The following SAMSN1 variants were observed in gnomAD, a reference collection of about 807,000 sequenced individuals.
SAMSN1 encodes SAM domain-containing protein SAMSN-1.
SAMSN1 carries 31 observed loss-of-function variants against 42.0 expected under a neutral mutation model. That is an observed-to-expected ratio of 0.74 (90% CI 0.55 to 1.00). The LOEUF (loss-of-function observed/expected upper bound fraction) is 1.00. Ranked by LOEUF, SAMSN1 falls within the 50% of genes least tolerant of loss-of-function variation. The pLI is 0.00. For synonymous variants in SAMSN1, 178 were observed against 151.9 expected (o/e 1.17, Z -1.26); for missense variants, 464 against 439.4 (o/e 1.06, Z -0.50).
At chr21:14,574,018 A>C (rs1981385139) in intron 2 of SAMSN1, among the ~76,000 whole-genome samples, 1 of 152,214 alleles carries the variant, frequency 6.6e-6, no homozygotes. Context: ...GCATTTGCCA[A>C]GGCTCATTAT....
intron 3 of SAMSN1, among the ~76,000 whole-genome samples, chr21:14,615,104 G>T (rs1982802397): frequency 6.6e-6 from 1 of 152,128 alleles, no homozygotes; most frequent in Non-Finnish European, 1.5e-5. Flanking sequence ...TCACATACAT[G>T]GCGATAAGGC....
chr21:14,639,046 T>A (rs886501411), intron 2 of SAMSN1, among the ~76,000 whole-genome samples: 3 of 152,216 alleles, frequency 2.0e-5, no homozygotes, highest in African/African-American at 7.2e-5. Flanking sequence ...GACCCACATT[T>A]AAGCACATTT....
At chr21:14,504,013 T>C (rs1987289302) in intron 5 of SAMSN1, among the ~76,000 whole-genome samples, 1 of 152,072 alleles carries the variant, frequency 6.6e-6, no homozygotes, top group Non-Finnish European at 1.5e-5. Context: ...TAACAATCAT[T>C]ACAGATTGCT....
intron 2 of SAMSN1, among the ~76,000 whole-genome samples, chr21:14,563,999 T>C (rs1981027825): frequency 6.6e-6 from 1 of 152,162 alleles, no homozygotes. Flanking sequence ...CCTACTGGCA[T>C]TCATTCATTT....
chr21:14,587,862 C>A (rs1426561071), upstream of SAMSN1, among the ~76,000 whole-genome samples: 1 of 150,962 alleles, frequency 6.6e-6, no homozygotes, highest in African/African-American at 2.4e-5. Context: ...TGGTGCGCTG[C>A]ATTAGGTATA....
In SAMSN1 at chr21:14,582,429, C is replaced by T; in HGVS notation, c.-33G>A. The T allele has an allele frequency of 1.9e-6, 3 of 1,542,558 alleles. 1 individual carries two copies. Among genetic ancestry groups the T allele is most frequent in the South Asian group, 2.4e-5 (2 of 83,524 alleles). On this transcript the variant is annotated 5_prime_UTR_variant, in exon 2 of 9. Transcript: ENST00000285670. Reference sequence around the variant, plus strand: ...TTCCTCCTCGTGCTAACACTATTCACTTTCTTTTCTCGGGACTTGGTTAAT... The same window carrying T: ...TTCCTCCTCGTGCTAACACTATTCATTTTCTTTTCTCGGGACTTGGTTAAT...
intron 1 of SAMSN1, among the ~76,000 whole-genome samples, chr21:14,535,628 A>G (rs1411914850): frequency 6.6e-6 from 1 of 152,230 alleles, no homozygotes. Flanking sequence ...CAAGTAAAAA[A>G]TGTGACCATT....
intron 3 of SAMSN1, chr21:14,613,063 C>T (rs1982749995): frequency 2.1e-6 from 1 of 479,216 alleles, no homozygotes. Flanking sequence ...TTTTCCTAAC[C>T]CTAGGTGGCA....
chr21:14,527,250 T>C (rs1600897173), intron 1 of SAMSN1, among the ~76,000 whole-genome samples: 1 of 152,344 alleles, frequency 6.6e-6, no homozygotes, highest in East Asian at 1.9e-4. Flanking sequence ...TGTCAGCCTT[T>C]ATCCAAAGAC....
chr21:14,595,205 G>A (rs772052172), intron 6 of SAMSN1, among the ~76,000 whole-genome samples: 6 of 152,134 alleles, frequency 3.9e-5, no homozygotes, highest in Non-Finnish European at 8.8e-5. Flanking sequence ...TTCAACAGGA[G>A]ATTTGGGCAG....
chr21:14,508,302 T>C (rs1987513810), intron 5 of SAMSN1, among the ~76,000 whole-genome samples: 1 of 152,070 alleles, frequency 6.6e-6, no homozygotes, highest in South Asian at 2.1e-4. Flanking sequence ...TTTCACAATC[T>C]ATACATCTGA....
rs1293022735 is a variant in SAMSN1 at position 14,562,499 on chromosome 21, G to GA, written c.261+19636dup. On this transcript the variant is annotated intron_variant, in intron 2 of 8. Coordinates refer to the SAMSN1 transcript ENST00000285670. ...TATTTAGTGATGGGAATGTCATAGT[G>GA]AAAAATGATAATACTAATACTATCT... 2.7e-5 allele frequency among the ~76,000 whole-genome samples: 4 copies of GA among 150,722 alleles called. No homozygotes were observed. The East Asian group carries it at 7.7e-4, about 29-fold the overall frequency.
intron 1 of SAMSN1, among the ~76,000 whole-genome samples, chr21:14,652,311 C>A (rs1432700360): frequency 6.6e-6 from 1 of 151,944 alleles, no homozygotes; most frequent in Non-Finnish European, 1.5e-5. Flanking sequence ...CTATAGTAAC[C>A]TAAACAGAAT....
chr21:14,532,526 G>T (rs1199223502), intron 1 of SAMSN1, among the ~76,000 whole-genome samples: 1 of 152,084 alleles, frequency 6.6e-6, no homozygotes, highest in Non-Finnish European at 1.5e-5. Context: ...ACTGGGATTT[G>T]GTTAGATGAA....
chr21:14,638,071 G>T (rs1983509996), intron 2 of SAMSN1, among the ~76,000 whole-genome samples: 1 of 152,090 alleles, frequency 6.6e-6, no homozygotes. Context: ...CTTTCTCTTT[G>T]CAAAAACCAG....
At chr21:14,583,781 C>A (rs1249916474), upstream of SAMSN1, 4 of 717,184 alleles carry the variant, frequency 5.6e-6, no homozygotes, top group Non-Finnish European at 5.2e-6. Context: ...TATGGCCTAG[C>A]ACAAACACAG....
chr21:14,497,999 A>T (rs1423818073), intron 7 of SAMSN1, among the ~76,000 whole-genome samples: 1 of 152,220 alleles, frequency 6.6e-6, no homozygotes, highest in East Asian at 1.9e-4. Flanking sequence ...AACATGTACA[A>T]GATGTGACTA....
chr21:14,537,042 A>G (rs2822759), intron 1 of SAMSN1, among the ~76,000 whole-genome samples: 36,490 of 152,136 alleles, frequency 0.24, 4,821 homozygotes, highest in Admixed American at 0.39. Context: ...ACAAAAGCCA[A>G]AATAAACCCA....
chr21:14,555,467 A>G (rs1050195568), intron 2 of SAMSN1, among the ~76,000 whole-genome samples: 7 of 152,168 alleles, frequency 4.6e-5, no homozygotes, highest in African/African-American at 1.7e-4. Flanking sequence ...TCCTAACTAT[A>G]TGAAACATAT....
Sources: allele counts gnomAD v4.1 joint callset (sites outside exome capture counted in the v4.1 genomes callset), GRCh38; gene constraint gnomAD v4.1.1; transcripts MANE v1.5; gene names NCBI Gene and HGNC (gene_info 2026-07-23, HGNC 2026-07-21).